WNK1: variants seen among roughly 807,000 people sequenced by gnomAD.
The protein encoded by WNK1 is serine/threonine-protein kinase WNK1.
In WNK1, 38 loss-of-function variants were observed where a neutral mutation model predicts 222.8. The ratio of observed to expected loss-of-function variants is 0.17; its 90% CI spans 0.13 to 0.22. WNK1 has a LOEUF of 0.22. WNK1 is among the 10% of genes least tolerant of loss of function. The pLI is 1.00. For missense variants in WNK1, 2,348 were observed against 2,918.4 expected, an observed-to-expected ratio of 0.80 and a Z score of 4.50; for synonymous variants, 1,090 against 1,092.9, an observed-to-expected ratio of 1.00 and a Z score of 0.05.
At chr12:811,963 AT>A (rs1187571031) in intron 1 of WNK1, among the ~76,000 whole-genome samples, 1 of 152,228 alleles carries the variant, frequency 6.6e-6, no homozygotes, top group African/African-American at 2.4e-5. Context: ...TTCTGGGCAA[AT>A]TAGAGATAAA....
intron 22 of WNK1, among the ~76,000 whole-genome samples, chr12:891,593 A>C (rs975321196): frequency 4.2e-5 from 6 of 142,466 alleles, no homozygotes; most frequent in Non-Finnish European, 3.1e-5. Context: ...TCATAAGGGG[A>C]TTTTTTTTCT....
chr12:822,719 C>G (rs1427943671), intron 2 of WNK1, among the ~76,000 whole-genome samples: 1 of 152,070 alleles, frequency 6.6e-6, no homozygotes, highest in African/African-American at 2.4e-5. Context: ...CATTGTGTAC[C>G]CATTAGCATA....
intron 2 of WNK1, among the ~76,000 whole-genome samples, chr12:826,567 T>C (rs1334299491): frequency 6.6e-6 from 1 of 152,252 alleles, no homozygotes; most frequent in African/African-American, 2.4e-5. Context: ...TATTTTTGAC[T>C]AGAGTTTATA....
chr12:885,183 C>T lies in WNK1; in HGVS notation c.4379C>T (p.Ala1460Val). 6.2e-7 allele frequency: 1 copy of T among 1,614,192 alleles called. No individual in the cohort carries two copies. The highest frequency in any genetic ancestry group is 8.5e-7 in the Non-Finnish European group (1 of 1,180,028). Residue 1460 changes from alanine to valine, a missense_variant, in exon 19 of 28, where the codon GCA becomes GTA. Physicochemically the swap from Ala to Val is moderately conservative, Grantham distance 64 (BLOSUM62 0). This residue lies in a region of WNK1 where 1,144 missense variants were observed against 1,273.6 expected (regional missense o/e 0.90). Coordinates refer to ENST00000315939, the MANE Select transcript of WNK1 (RefSeq NM_018979.4). Reference sequence around the variant, plus strand: ...ACAGTTTCAGCAACTTCAGCCTCTGCAGGGGGCAGTACTGCTACCCCAGGT... The same window carrying T: ...ACAGTTTCAGCAACTTCAGCCTCTGTAGGGGGCAGTACTGCTACCCCAGGT... ...SVTVSATSAS[A>V]GGSTATPGPK... is the part of the protein sequence containing the mutation.
intron 1 of WNK1, among the ~76,000 whole-genome samples, chr12:808,920 C>T (rs924371215): frequency 5.9e-5 from 9 of 151,974 alleles, no homozygotes; most frequent in African/African-American, 9.7e-5. Context: ...CCTGCCACCA[C>T]GCCCGGCTAA....
At chr12:880,157 T>C in intron 11 of WNK1, 126 bp downstream of exon 11, 2 of 934,934 alleles carry the variant, frequency 2.1e-6, no homozygotes, top group South Asian at 1.4e-5. Flanking sequence ...AGAAGCAAAA[T>C]AGTAAAATTC....
At chr12:779,574 G>A (rs1272434002) in intron 1 of WNK1, among the ~76,000 whole-genome samples, 4 of 151,904 alleles carry the variant, frequency 2.6e-5, no homozygotes, top group Admixed American at 1.3e-4. Flanking sequence ...GCTAATCTTT[G>A]TATTTTTAGT....
intron 22 of WNK1, among the ~76,000 whole-genome samples, chr12:893,679 C>T (rs751772506): frequency 3.3e-5 from 5 of 151,494 alleles, no homozygotes; most frequent in African/African-American, 2.4e-5. Flanking sequence ...AAAAATTAGT[C>T]GGGTGTGGTG....
At chr12:795,836 G>C (rs1945267282) in intron 1 of WNK1, among the ~76,000 whole-genome samples, 1 of 151,928 alleles carries the variant, frequency 6.6e-6, no homozygotes, top group African/African-American at 2.4e-5. Flanking sequence ...TTATGCTTTG[G>C]GGGTCATTTA....
At chr12:853,389 A>T (rs1289187042) in intron 4 of WNK1, among the ~76,000 whole-genome samples, 1 of 152,222 alleles carries the variant, frequency 6.6e-6, no homozygotes, top group Non-Finnish European at 1.5e-5. Context: ...ATCAAGGATG[A>T]AAGCAGGTTC....
At chr12:777,231 T>C (rs1304622854) in intron 1 of WNK1, among the ~76,000 whole-genome samples, 57 of 151,436 alleles carry the variant, frequency 3.8e-4, no homozygotes, top group Non-Finnish European at 7.4e-5. Flanking sequence ...GGTGCGATCT[T>C]GGCCCACTGC....
Position 887,243 on chromosome 12 carries a change from T to G in WNK1, c.5303T>G (p.Leu1768Arg), listed in dbSNP as rs1328963512. The change falls in exon 20 of 28, where the codon CTT becomes CGT. Residue 1768 changes from leucine (L) to arginine (R), a missense_variant. By Grantham distance (102) the Leu-to-Arg change is moderately radical. This residue lies in a region of WNK1 where 1,144 missense variants were observed against 1,273.6 expected (regional missense o/e 0.90). Transcript: ENST00000315939. ...TAGGTGCTGCCAGTGGGTACTGAAC[T>G]TCCAGCAGGTACTCTACCCAGCGAG... ...KAPVLPVGTE[L>R]PAGTLPSEQL... 1.2e-6 allele frequency: 2 copies of G among 1,614,104 alleles called. No individual in the cohort carries two copies. Among genetic ancestry groups the G allele is most frequent in the African/African-American group, 2.7e-5 (2 of 74,938 alleles).
At position 885,488 on chromosome 12, in the gene WNK1, T is replaced by G. The variant is rs1311071572; in HGVS notation, c.4684T>G (p.Ser1562Ala). 1 of 1,613,956 alleles carries G rather than the reference T, an allele frequency of 6.2e-7. No individual in the cohort carries two copies. The highest frequency in any genetic ancestry group is 2.2e-5 in the East Asian group (1 of 44,886). The change falls in exon 19 of 28, where the codon TCT becomes GCT. Residue 1562 changes from serine to alanine, a missense_variant. Transcript: ENST00000315939. Reference sequence around the variant, plus strand: ...TGGAGCAGGAGTGTCTAGTTATATTTCTCAGCCTGGTGGGCTGCATCCTTT... The same window carrying G: ...TGGAGCAGGAGTGTCTAGTTATATTGCTCAGCCTGGTGGGCTGCATCCTTT... ...SPGAGVSSYI[S>A]QPGGLHPLVI...
At chr12:835,190 A>G (rs1252222686) in intron 4 of WNK1, among the ~76,000 whole-genome samples, 1 of 152,098 alleles carries the variant, frequency 6.6e-6, no homozygotes, top group Non-Finnish European at 1.5e-5. Flanking sequence ...GTGGTGGTGC[A>G]TAGTTGGCTG....
chr12:859,204 T>G (rs1204251918), intron 5 of WNK1, 41 bp from the exon 6 acceptor site: 1 of 1,488,112 alleles, frequency 6.7e-7, no homozygotes, highest in Non-Finnish European at 9.4e-7. Flanking sequence ...AAACTAATGG[T>G]GTTTTATTTT....
At chr12:876,365 C>T (rs529653093) in intron 9 of WNK1, among the ~76,000 whole-genome samples, 3 of 152,098 alleles carry the variant, frequency 2.0e-5, no homozygotes, top group South Asian at 2.1e-4. Context: ...GCCAAGATCG[C>T]GCCACTGCAC....
chr12:855,689 A>G (rs1381638098), intron 4 of WNK1, among the ~76,000 whole-genome samples: 1 of 152,164 alleles, frequency 6.6e-6, no homozygotes, highest in Non-Finnish European at 1.5e-5. Flanking sequence ...CTTGAACAGC[A>G]TATCAGTGCT....
Position 885,954 on chromosome 12 carries a change from C to T in WNK1, c.5150C>T (p.Pro1717Leu). Residue 1717 changes from proline (P) to leucine (L), a missense_variant, in exon 19 of 28, where the codon CCA becomes CTA. This residue lies in a region of WNK1 where 1,144 missense variants were observed against 1,273.6 expected (regional missense o/e 0.90). Coordinates refer to ENST00000315939, the MANE Select transcript of WNK1 (RefSeq NM_018979.4). ...ACTTGCTTACCACCAACCAATTTAC[C>T]ACTAGGAACAGTTGCTTTGCCAGTT... ...TSTCLPPTNL[P>L]LGTVALPVTP... The T allele has an allele frequency of 6.3e-7, 1 of 1,593,372 alleles. No homozygotes were observed. Among genetic ancestry groups the T allele is most frequent in the Non-Finnish European group, 8.5e-7 (1 of 1,169,946 alleles).
At chr12:764,251 C>G (rs1301887503) in intron 1 of WNK1, among the ~76,000 whole-genome samples, 3 of 147,642 alleles carry the variant, frequency 2.0e-5, no homozygotes, top group African/African-American at 7.3e-5. Flanking sequence ...CAGAGAAGTT[C>G]TATTTTCATA....
Sources: gnomAD v4.1 joint callset for allele counts (sites outside exome capture counted in the v4.1 genomes callset) on GRCh38, gnomAD v4.1.1 for gene constraint, gnomAD v4.1.1 regional missense constraint, MANE v1.5 for transcripts, NCBI Gene and HGNC (gene_info 2026-07-23, HGNC 2026-07-21) for gene names.